The following MPPED2 variants were observed in gnomAD, a reference collection of about 807,000 sequenced individuals.
MPPED2 encodes metallophosphoesterase domain containing 2, also known as metallophosphoesterase MPPED2.
In MPPED2, 5 loss-of-function variants were observed where a neutral mutation model predicts 33.0. The ratio of observed to expected loss-of-function variants is 0.15; its 90% CI spans 0.08 to 0.32. The LOEUF (loss-of-function observed/expected upper bound fraction) is 0.32, where lower values mean the gene tolerates loss of function less well. Among genes scored for constraint, MPPED2 ranks in the 10% least tolerant of loss-of-function variants. The pLI is 1.00. For missense variants in MPPED2, 275 were observed against 372.1 expected (o/e 0.74, Z 2.15); for synonymous variants, 136 against 141.9 (o/e 0.96, Z 0.29).
intron 2 of MPPED2, among the ~76,000 whole-genome samples, chr11:30,567,743 T>C (rs1031568776): frequency 2.8e-4 from 42 of 152,190 alleles, no homozygotes; most frequent in African/African-American, 9.7e-4. Context: ...ACTATTATCA[T>C]GAACCCCTAT....
intron 2 of MPPED2, among the ~76,000 whole-genome samples, chr11:30,536,788 A>T (rs577377416): frequency 1.2e-3 from 160 of 135,746 alleles, no homozygotes; most frequent in African/African-American, 4.7e-3. Context: ...TTTAAAAATT[A>T]AAAAAAAAAA....
chr11:30,458,902 T>A (rs1453588017), intron 4 of MPPED2, among the ~76,000 whole-genome samples: 1 of 149,816 alleles, frequency 6.7e-6, no homozygotes, highest in Non-Finnish European at 1.5e-5. Flanking sequence ...TTTAGGACAA[T>A]TTTGCACAGT....
chr11:30,491,055 A>C (rs1951958995), intron 4 of MPPED2, among the ~76,000 whole-genome samples: 1 of 152,188 alleles, frequency 6.6e-6, no homozygotes, highest in Non-Finnish European at 1.5e-5. Context: ...CAAACAATCA[A>C]TTTACATTAT....
At chr11:30,505,242 T>C (rs1952767057) in intron 3 of MPPED2, among the ~76,000 whole-genome samples, 1 of 152,202 alleles carries the variant, frequency 6.6e-6, no homozygotes, top group African/African-American at 2.4e-5. Flanking sequence ...CATTCTTGCC[T>C]CAACCATGGC....
intron 4 of MPPED2, among the ~76,000 whole-genome samples, chr11:30,424,982 G>A (rs1267096255): frequency 6.6e-6 from 1 of 152,216 alleles, no homozygotes; most frequent in Non-Finnish European, 1.5e-5. Context: ...CCTCCAAAGG[G>A]TAGTGCTGGC....
intron 4 of MPPED2, among the ~76,000 whole-genome samples, chr11:30,442,481 G>A (rs1420921026): frequency 6.6e-6 from 1 of 152,136 alleles, no homozygotes; most frequent in Non-Finnish European, 1.5e-5. Flanking sequence ...TCTGATCAGG[G>A]AACCAAATGT....
intron 6 of MPPED2, among the ~76,000 whole-genome samples, chr11:30,391,509 C>T (rs1465221854): frequency 6.6e-6 from 1 of 152,118 alleles, no homozygotes. Context: ...CATCCTGGCT[C>T]TACCACATAT....
At chr11:30,407,879 G>GTAAATAAATAAA (rs554823185), downstream of MPPED2, among the ~76,000 whole-genome samples, 348 of 151,906 alleles carry the variant, frequency 2.3e-3, 1 homozygote, top group African/African-American at 8.0e-3. Flanking sequence ...AAATAAATAA[G>GTAAATAAATAAA]TAAATAAATA....
intron 3 of MPPED2, among the ~76,000 whole-genome samples, chr11:30,534,137 A>G (rs564887360): frequency 6.6e-6 from 1 of 152,314 alleles, no homozygotes; most frequent in African/African-American, 2.4e-5. Context: ...CAGTTTCCCA[A>G]GGTCAGTGGC....
At chr11:30,540,750 A>G (rs565935248) in intron 2 of MPPED2, among the ~76,000 whole-genome samples, 1 of 152,262 alleles carries the variant, frequency 6.6e-6, no homozygotes, top group African/African-American at 2.4e-5. Context: ...CCTCCTTCTT[A>G]ATCCTAGTTC....
At chr11:30,579,928 C>A (rs1252567981) in intron 2 of MPPED2, among the ~76,000 whole-genome samples, 1 of 152,106 alleles carries the variant, frequency 6.6e-6, no homozygotes, top group African/African-American at 2.4e-5. Context: ...GAGTCTCAGG[C>A]AAATTCGCTG....
rs1463415537 is a variant in MPPED2 at position 30,493,990 on chromosome 11, T to C, written c.536+1306A>G. Among the ~76,000 whole-genome samples, 5 of 152,318 alleles carry C rather than the reference T, an allele frequency of 3.3e-5. No homozygotes were observed. The East Asian group carries it at 9.7e-4, about 29-fold the overall frequency. Reference sequence around the variant, plus strand: ...AAGGATACATGTACCTGTTTCAAGTTTTCCAGAGCTTAGTTCTGAGAATTC... The same window carrying C: ...AAGGATACATGTACCTGTTTCAAGTCTTCCAGAGCTTAGTTCTGAGAATTC... On this transcript the variant is annotated intron_variant, in intron 4 of 6. Coordinates refer to ENST00000358117, the MANE Select transcript of MPPED2 (RefSeq NM_001584.3).
chr11:30,467,326 G>A (rs1423022453), intron 4 of MPPED2, among the ~76,000 whole-genome samples: 1 of 152,062 alleles, frequency 6.6e-6, no homozygotes, highest in Non-Finnish European at 1.5e-5. Flanking sequence ...GGAGTAGTGA[G>A]GACTCAGCTG....
At chr11:30,408,230 T>C (rs572352361), downstream of MPPED2, among the ~76,000 whole-genome samples, 3 of 152,342 alleles carry the variant, frequency 2.0e-5, no homozygotes, top group South Asian at 4.1e-4. Flanking sequence ...TGAGGTGCCA[T>C]GTACGGCTGT....
intron 2 of MPPED2, among the ~76,000 whole-genome samples, chr11:30,560,651 A>C (rs1431525828): frequency 6.6e-6 from 1 of 152,226 alleles, no homozygotes; most frequent in Non-Finnish European, 1.5e-5. Context: ...TACTAACTCA[A>C]GACACTTTAC....
chr11:30,460,609 C>T (rs1416283388), intron 4 of MPPED2, among the ~76,000 whole-genome samples: 1 of 152,042 alleles, frequency 6.6e-6, no homozygotes, highest in Non-Finnish European at 1.5e-5. Context: ...GGCAACAGAG[C>T]AAGAGCTTGT....
At chr11:30,516,535 G>A (rs563504633) in intron 3 of MPPED2, among the ~76,000 whole-genome samples, 2 of 152,242 alleles carry the variant, frequency 1.3e-5, no homozygotes, top group South Asian at 4.1e-4. Context: ...GCACGGCTTA[G>A]GAAGCTGCCC....
intron 4 of MPPED2, among the ~76,000 whole-genome samples, chr11:30,480,013 A>G (rs1446910851): frequency 6.6e-6 from 1 of 152,118 alleles, no homozygotes; most frequent in East Asian, 1.9e-4. Context: ...CACCAAAGGA[A>G]TCATGTCTGG....
chr11:30,583,253 A>T (rs1365730477), intron 1 of MPPED2, among the ~76,000 whole-genome samples: 1 of 150,552 alleles, frequency 6.6e-6, no homozygotes, highest in Non-Finnish European at 1.5e-5. Context: ...AGACAGAAGG[A>T]TACACTGCTT....
Sources: gnomAD v4.1 joint callset for allele counts (sites outside exome capture counted in the v4.1 genomes callset) on GRCh38, gnomAD v4.1.1 for gene constraint, MANE v1.5 for transcripts, NCBI Gene and HGNC (gene_info 2026-07-23, HGNC 2026-07-21) for gene names.